WDPCP: variants seen among roughly 807,000 people sequenced by gnomAD.
WDPCP encodes WD repeat containing planar cell polarity effector, also known as WD repeat-containing and planar cell polarity effector protein fritz homolog.
Under a neutral mutation model 93.1 loss-of-function variants are expected in WDPCP, and 71 were observed. That is an observed-to-expected ratio of 0.76 (90% CI 0.63 to 0.93). WDPCP has a LOEUF of 0.93. Ranked by LOEUF, WDPCP falls within the 40% of genes least tolerant of loss-of-function variation. The pLI is 0.00. For missense variants in WDPCP, 844 were observed against 887.4 expected (o/e 0.95, Z 0.62); for synonymous variants, 315 against 315.0 (o/e 1.00, Z 0.00).
intron 2 of WDPCP, among the ~76,000 whole-genome samples, chr2:63,702,664 G>A (rs542116534): frequency 2.3e-4 from 35 of 150,018 alleles, no homozygotes; most frequent in Non-Finnish European, 4.9e-4. Flanking sequence ...TCAGCCTTCC[G>A]AGTAGCTGGA....
chr2:63,378,979 T>A (rs1029230368), intron 11 of WDPCP, among the ~76,000 whole-genome samples: 29 of 152,100 alleles, frequency 1.9e-4, no homozygotes, highest in Non-Finnish European at 3.2e-4. Context: ...GAAATATATC[T>A]CTATTGCAAT....
intron 17 of WDPCP, among the ~76,000 whole-genome samples, chr2:63,140,987 T>C (rs1671017449): frequency 6.6e-6 from 1 of 152,176 alleles, no homozygotes; most frequent in African/African-American, 2.4e-5. Flanking sequence ...GGTATGTCCT[T>C]TGAATGCTGA....
intron 13 of WDPCP, among the ~76,000 whole-genome samples, chr2:63,305,138 C>G (rs1199936221): frequency 6.6e-6 from 1 of 152,172 alleles, no homozygotes; most frequent in East Asian, 1.9e-4. Context: ...TGGGACAGAG[C>G]ACCTGGGGGA....
chr2:63,320,295 C>G (rs1193608564), intron 12 of WDPCP, among the ~76,000 whole-genome samples: 1 of 152,054 alleles, frequency 6.6e-6, no homozygotes, highest in Non-Finnish European at 1.5e-5. Context: ...AAATTTATCA[C>G]AAGTAGAACT....
chr2:63,608,406 A>G (rs555039825), intron 3 of WDPCP, among the ~76,000 whole-genome samples: 35 of 152,262 alleles, frequency 2.3e-4, no homozygotes, highest in African/African-American at 8.2e-4. Flanking sequence ...CCCCAAACCT[A>G]TGATGGCAGA....
chr2:63,558,630 A>C (rs1321141570), intron 1 of WDPCP, among the ~76,000 whole-genome samples: 2 of 151,974 alleles, frequency 1.3e-5, no homozygotes, highest in Non-Finnish European at 2.9e-5. Flanking sequence ...CAAAAATACA[A>C]ACATCGGAGA....
At chr2:63,515,875 C>CT (rs1178239971) in intron 1 of WDPCP, among the ~76,000 whole-genome samples, 1 of 152,086 alleles carries the variant, frequency 6.6e-6, no homozygotes, top group Non-Finnish European at 1.5e-5. Context: ...CAAAAATTAG[C>CT]TGGGCGTGGT....
intron 6 of WDPCP, among the ~76,000 whole-genome samples, chr2:63,479,057 C>A (rs1700123689): frequency 6.6e-6 from 1 of 151,358 alleles, no homozygotes; most frequent in Admixed American, 6.6e-5. Flanking sequence ...CTACTATGAA[C>A]ACCTTTATGC....
chr2:63,365,526 A>G (rs1386019177), intron 12 of WDPCP, among the ~76,000 whole-genome samples: 5 of 152,208 alleles, frequency 3.3e-5, no homozygotes, highest in African/African-American at 4.8e-5. Flanking sequence ...GCAGATTAGG[A>G]GTAGACTAGG....
intron 1 of WDPCP, among the ~76,000 whole-genome samples, chr2:63,575,746 G>A (rs1234516664): frequency 6.6e-6 from 1 of 150,946 alleles, no homozygotes; most frequent in Admixed American, 6.6e-5. Context: ...AAAGTATACA[G>A]CATTCAGCAT....
intron 1 of WDPCP, among the ~76,000 whole-genome samples, chr2:63,509,951 C>T (rs1702123309): frequency 6.6e-6 from 1 of 151,858 alleles, no homozygotes; most frequent in African/African-American, 2.4e-5. Context: ...AGTCTACCAA[C>T]CAAAAAAAGC....
intron 13 of WDPCP, among the ~76,000 whole-genome samples, chr2:63,276,918 C>T (rs958316004): frequency 3.3e-5 from 5 of 152,086 alleles, no homozygotes; most frequent in African/African-American, 7.2e-5. Context: ...TGTTTAGGCA[C>T]ATAGTCATCA....
intron 17 of WDPCP, among the ~76,000 whole-genome samples, chr2:63,124,043 G>A (rs1028738238): frequency 6.9e-4 from 95 of 137,298 alleles, no homozygotes; most frequent in Non-Finnish European, 3.9e-4. Flanking sequence ...AATTTATATT[G>A]TTTCCAATTT....
intron 1 of WDPCP, among the ~76,000 whole-genome samples, chr2:63,531,156 G>A (rs1703807824): frequency 6.6e-6 from 1 of 152,234 alleles, no homozygotes; most frequent in Admixed American, 6.5e-5. Context: ...ATCTGCCATT[G>A]CAGAGGCTTG....
chr2:63,239,674 G>A (rs1463905637), intron 14 of WDPCP, among the ~76,000 whole-genome samples: 2 of 152,082 alleles, frequency 1.3e-5, no homozygotes, highest in Non-Finnish European at 2.9e-5. Flanking sequence ...AATTTTATGA[G>A]TTTTGTTAGC....
intron 17 of WDPCP, among the ~76,000 whole-genome samples, chr2:63,150,975 A>G (rs537299735): frequency 2.8e-4 from 42 of 152,222 alleles, no homozygotes; most frequent in Non-Finnish European, 5.3e-4. Flanking sequence ...CAGAGCACTG[A>G]ACATAAAGTG....
intron 6 of WDPCP, among the ~76,000 whole-genome samples, chr2:63,462,426 C>T (rs886352413): frequency 2.0e-5 from 3 of 152,120 alleles, no homozygotes; most frequent in Non-Finnish European, 4.4e-5. Flanking sequence ...CGCAGCACAC[C>T]AACATGGCAC....
chr2:63,795,579 C>A, intron 2 of WDPCP, among the ~76,000 whole-genome samples: 2 of 146,014 alleles, frequency 1.4e-5, no homozygotes, highest in South Asian at 2.2e-4. Flanking sequence ...GAAAGACAGA[C>A]AGAAAGAAGG....
chr2:63,247,412 A>G (rs1465177518), intron 14 of WDPCP, among the ~76,000 whole-genome samples: 1 of 152,202 alleles, frequency 6.6e-6, no homozygotes, highest in Non-Finnish European at 1.5e-5. Context: ...ATGTGTAAGA[A>G]AATGACTGCT....
Sources: gnomAD v4.1 joint callset for allele counts (sites outside exome capture counted in the v4.1 genomes callset) on GRCh38, gnomAD v4.1.1 for gene constraint, MANE v1.5 for transcripts, NCBI Gene and HGNC (gene_info 2026-07-23, HGNC 2026-07-21) for gene names.